ZBTB20: variants seen among roughly 807,000 people sequenced by gnomAD.
ZBTB20 encodes zinc finger and BTB domain containing 20.
A neutral mutation model predicts 56.9 loss-of-function variants in ZBTB20; 9 were observed. The observed-to-expected ratio is 0.16, with a 90% CI of 0.10 to 0.28. The LOEUF (loss-of-function observed/expected upper bound fraction) is 0.28, where lower values mean the gene tolerates loss of function less well. Among genes scored for constraint, ZBTB20 ranks in the 10% least tolerant of loss-of-function variants. The pLI, the probability that ZBTB20 is intolerant of heterozygous loss-of-function variation, is 1.00. For missense variants in ZBTB20, 655 were observed against 1,003.0 expected, an observed-to-expected ratio of 0.65 and a Z score of 4.69; for synonymous variants, 417 against 420.7, an observed-to-expected ratio of 0.99 and a Z score of 0.11.
chr3:115,064,510 G>A (rs1173389494), intron 2 of ZBTB20, among the ~76,000 whole-genome samples: 2 of 131,234 alleles, frequency 1.5e-5, no homozygotes, highest in African/African-American at 5.7e-5. Flanking sequence ...GGAGTGCAAT[G>A]GCAAAATCTT....
intron 6 of ZBTB20, among the ~76,000 whole-genome samples, chr3:114,542,757 G>T (rs763923329): frequency 6.6e-6 from 1 of 152,116 alleles, no homozygotes; most frequent in Non-Finnish European, 1.5e-5. Flanking sequence ...GAAGGGTTCA[G>T]GTGAATCAGA....
intron 10 of ZBTB20, among the ~76,000 whole-genome samples, chr3:114,378,498 T>C (rs1370951730): frequency 3.9e-5 from 6 of 152,232 alleles, no homozygotes; most frequent in Non-Finnish European, 8.8e-5. Flanking sequence ...ACTTACTTCA[T>C]GCCAATGCTA....
chr3:114,927,731 T>A (rs1560408119), intron 3 of ZBTB20, among the ~76,000 whole-genome samples: 2 of 152,244 alleles, frequency 1.3e-5, no homozygotes, highest in African/African-American at 4.8e-5. Context: ...GTGTAAAATT[T>A]AAAAAAACCT....
chr3:114,906,566 A>G (rs1560384589), intron 3 of ZBTB20, among the ~76,000 whole-genome samples: 1 of 150,904 alleles, frequency 6.6e-6, no homozygotes, highest in Non-Finnish European at 1.5e-5. Flanking sequence ...TTTATATAAT[A>G]TAAAATTTTT....
At chr3:114,425,029 C>T (rs750088060) in intron 7 of ZBTB20, among the ~76,000 whole-genome samples, 3 of 152,012 alleles carry the variant, frequency 2.0e-5, no homozygotes, top group Non-Finnish European at 2.9e-5. Context: ...AGTTGAAAAC[C>T]ATTACATAAT....
At chr3:114,877,477 T>A (rs2107569840) in intron 4 of ZBTB20, among the ~76,000 whole-genome samples, 1 of 152,298 alleles carries the variant, frequency 6.6e-6, no homozygotes, top group East Asian at 1.9e-4. Flanking sequence ...AAGCAGTCAG[T>A]GTTCTTGGGC....
chr3:114,860,093 C>T (rs1258652077), intron 4 of ZBTB20, among the ~76,000 whole-genome samples: 4 of 151,930 alleles, frequency 2.6e-5, no homozygotes, highest in Admixed American at 6.6e-5. Flanking sequence ...TGGATCACGA[C>T]GTCAGGAGAT....
chr3:114,658,813 C>G (rs1472519615), intron 6 of ZBTB20: 1 of 152,182 alleles, frequency 6.6e-6, no homozygotes, highest in African/African-American at 2.4e-5. Context: ...TTCATCTCTT[C>G]CCATGTTTAA....
At chr3:114,789,025 G>C (rs535439469) in intron 5 of ZBTB20, among the ~76,000 whole-genome samples, 4 of 152,170 alleles carry the variant, frequency 2.6e-5, no homozygotes, top group Non-Finnish European at 5.9e-5. Flanking sequence ...CACAACACAC[G>C]AAGATTATGG....
At chr3:114,818,007 A>G (rs1170739330) in intron 4 of ZBTB20, among the ~76,000 whole-genome samples, 1 of 152,152 alleles carries the variant, frequency 6.6e-6, no homozygotes, top group Non-Finnish European at 1.5e-5. Flanking sequence ...ATGAAACCCC[A>G]ATGACAGCAT....
intron 6 of ZBTB20, among the ~76,000 whole-genome samples, chr3:114,653,668 T>G (rs188369209): frequency 6.6e-6 from 1 of 152,052 alleles, no homozygotes; most frequent in African/African-American, 2.4e-5. Flanking sequence ...ACCTCCTATG[T>G]TTTCTGAAAG....
At chr3:114,660,327 C>CA (rs1175760469) in intron 6 of ZBTB20, among the ~76,000 whole-genome samples, 1 of 152,032 alleles carries the variant, frequency 6.6e-6, no homozygotes, top group Non-Finnish European at 1.5e-5. Flanking sequence ...ATATAAGAAG[C>CA]AATTTGCTTG....
At chr3:114,636,971 C>T (rs1213670978) in intron 6 of ZBTB20, among the ~76,000 whole-genome samples, 1 of 151,908 alleles carries the variant, frequency 6.6e-6, no homozygotes, top group African/African-American at 2.4e-5. Context: ...CAAACATAGA[C>T]TCAAAGTAAA....
chr3:115,007,636 C>CT (rs772024617), intron 2 of ZBTB20, among the ~76,000 whole-genome samples: 1 of 151,578 alleles, frequency 6.6e-6, no homozygotes, highest in Non-Finnish European at 1.5e-5. Context: ...AAAGAAAATC[C>CT]TTTTTTGAAG....
intron 10 of ZBTB20, among the ~76,000 whole-genome samples, chr3:114,379,646 C>T (rs1242710701): frequency 2.6e-5 from 4 of 152,266 alleles, no homozygotes; most frequent in African/African-American, 9.6e-5. Flanking sequence ...CCTGGATTCT[C>T]ATTGGCTGTG....
At chr3:115,051,961 G>T (rs2081567035) in intron 2 of ZBTB20, among the ~76,000 whole-genome samples, 1 of 152,024 alleles carries the variant, frequency 6.6e-6, no homozygotes, top group Non-Finnish European at 1.5e-5. Context: ...CCAGATCTCG[G>T]TGAGAACTCA....
intron 3 of ZBTB20, among the ~76,000 whole-genome samples, chr3:114,953,426 T>G (rs1228855553): frequency 2.0e-5 from 3 of 151,954 alleles, no homozygotes; most frequent in Non-Finnish European, 2.9e-5. Flanking sequence ...AGACAGAGAT[T>G]ATCAGAACGG....
At chr3:114,843,088 C>T (rs922694206) in intron 4 of ZBTB20, among the ~76,000 whole-genome samples, 2 of 152,168 alleles carry the variant, frequency 1.3e-5, no homozygotes, top group African/African-American at 4.8e-5. Context: ...ACGTGCCTTG[C>T]TTCCCCTTCA....
intron 7 of ZBTB20, among the ~76,000 whole-genome samples, chr3:114,433,134 C>T (rs999410550): frequency 7.2e-5 from 11 of 151,830 alleles, no homozygotes; most frequent in African/African-American, 1.9e-4. Context: ...ATGAGGGAGA[C>T]GAGGAAACAG....
Sources: allele counts gnomAD v4.1 joint callset (sites outside exome capture counted in the v4.1 genomes callset), GRCh38; gene constraint gnomAD v4.1.1; transcripts MANE v1.5; gene names NCBI Gene and HGNC (gene_info 2026-07-23, HGNC 2026-07-21).